The following C1QTNF3 variants were observed in gnomAD, a reference collection of about 807,000 sequenced individuals.
C1QTNF3 encodes the protein complement C1q tumor necrosis factor-related protein 3.
In C1QTNF3, 26 loss-of-function variants were observed where a neutral mutation model predicts 32.6. That is an observed-to-expected ratio of 0.80 (90% confidence interval 0.58 to 1.11). The LOEUF is 1.11. Ranked by LOEUF, C1QTNF3 falls within the 50% of genes least tolerant of loss-of-function variation. The pLI, the probability that C1QTNF3 is intolerant of heterozygous loss-of-function variation, is 0.00. For synonymous variants in C1QTNF3, 155 were observed against 146.0 expected (o/e 1.06, Z -0.44); for missense variants, 362 against 398.2 (o/e 0.91, Z 0.77).
chr5:34,145,294 C>A, the C1QTNF3 span, among the ~76,000 whole-genome samples: 1 of 151,686 alleles, frequency 6.6e-6, no homozygotes. Context: ...GAAGAAAATC[C>A]CATCAGAAAT....
intron 1 of C1QTNF3, among the ~76,000 whole-genome samples, chr5:34,039,803 T>C (rs1273287139): frequency 6.6e-6 from 1 of 152,178 alleles, no homozygotes; most frequent in African/African-American, 2.4e-5. Context: ...AAATAATAAT[T>C]TAGAAACATT....
At chr5:34,219,635 T>TAGA in the C1QTNF3 span, among the ~76,000 whole-genome samples, 1 of 152,112 alleles carries the variant, frequency 6.6e-6, no homozygotes, top group Non-Finnish European at 1.5e-5. Context: ...CAACTGTTTT[T>TAGA]TACATCCAAA....
chr5:34,046,086 T>C (rs1050856186), upstream of C1QTNF3, among the ~76,000 whole-genome samples: 1 of 152,212 alleles, frequency 6.6e-6, no homozygotes, highest in African/African-American at 2.4e-5. Flanking sequence ...TGTAAATGCC[T>C]ATATTAAAGA....
chr5:34,037,157 T>C (rs186068070), intron 1 of C1QTNF3, among the ~76,000 whole-genome samples: 2 of 152,314 alleles, frequency 1.3e-5, no homozygotes, highest in Admixed American at 6.5e-5. Context: ...GCTTATGAAA[T>C]TTGAACTCCC....
chr5:34,132,998 GA>G, the C1QTNF3 span, among the ~76,000 whole-genome samples: 2 of 151,790 alleles, frequency 1.3e-5, no homozygotes, highest in African/African-American at 2.4e-5. Context: ...ACTTTAAAAG[GA>G]AAAAAAATAC....
At chr5:34,058,924 C>T in the C1QTNF3 span, among the ~76,000 whole-genome samples, 1 of 152,104 alleles carries the variant, frequency 6.6e-6, no homozygotes, top group Non-Finnish European at 1.5e-5. Flanking sequence ...ACAGAGTCCC[C>T]CTACTCAAGG....
At chr5:34,207,160 G>T in the C1QTNF3 span, among the ~76,000 whole-genome samples, 1 of 151,926 alleles carries the variant, frequency 6.6e-6, no homozygotes, top group African/African-American at 2.4e-5. Context: ...AAAATTGATG[G>T]GTAGTCGGTG....
chr5:34,070,279 C>T, the C1QTNF3 span, among the ~76,000 whole-genome samples: 1 of 152,126 alleles, frequency 6.6e-6, no homozygotes, highest in African/African-American at 2.4e-5. Flanking sequence ...TGAATAACCA[C>T]GTGGAGAAGG....
the C1QTNF3 span, among the ~76,000 whole-genome samples, chr5:34,055,606 A>T: frequency 3.3e-5 from 5 of 152,208 alleles, no homozygotes; most frequent in Non-Finnish European, 5.9e-5. Flanking sequence ...TAAATTGTCA[A>T]CCTAATCAAA....
At chr5:34,139,223 TACAC>T in the C1QTNF3 span, among the ~76,000 whole-genome samples, 2 of 151,966 alleles carry the variant, frequency 1.3e-5, no homozygotes, top group Non-Finnish European at 2.9e-5. Flanking sequence ...TATATATACT[TACAC>T]ATACACACAC....
chr5:34,175,015 G>A, the C1QTNF3 span, among the ~76,000 whole-genome samples: 1 of 151,556 alleles, frequency 6.6e-6, no homozygotes, highest in African/African-American at 2.4e-5. Flanking sequence ...CCAAAGTGCT[G>A]GGATTACAGG....
the C1QTNF3 span, among the ~76,000 whole-genome samples, chr5:34,084,232 G>A: frequency 3.3e-5 from 5 of 151,756 alleles, 2 homozygotes; most frequent in African/African-American, 1.2e-4. Flanking sequence ...TATTTGTGAA[G>A]GTGGCTATTT....
At chr5:34,129,731 TATA>T in the C1QTNF3 span, among the ~76,000 whole-genome samples, 18 of 151,954 alleles carry the variant, frequency 1.2e-4, no homozygotes, top group African/African-American at 4.3e-4. Context: ...TATAAATATA[TATA>T]ATGATATATA....
chr5:34,179,985 G>A, the C1QTNF3 span, among the ~76,000 whole-genome samples: 297 of 150,088 alleles, frequency 2.0e-3, no homozygotes, highest in African/African-American at 7.4e-3. Context: ...CACTTTGGGA[G>A]GCTTACTTGA....
At chr5:34,085,592 T>A in the C1QTNF3 span, among the ~76,000 whole-genome samples, 1 of 151,516 alleles carries the variant, frequency 6.6e-6, no homozygotes, top group South Asian at 2.1e-4. Flanking sequence ...GGTAGCTTGA[T>A]GTCTCCAGTT....
the C1QTNF3 span, among the ~76,000 whole-genome samples, chr5:34,123,343 T>C: frequency 6.6e-6 from 1 of 152,194 alleles, no homozygotes; most frequent in Non-Finnish European, 1.5e-5. Flanking sequence ...TGAATGCACA[T>C]ACATACATGC....
the C1QTNF3 span, among the ~76,000 whole-genome samples, chr5:34,145,468 T>C: frequency 6.6e-6 from 1 of 151,592 alleles, no homozygotes; most frequent in Non-Finnish European, 1.5e-5. Flanking sequence ...TAGACCAATA[T>C]CAAGTTCTGA....
the C1QTNF3 span, among the ~76,000 whole-genome samples, chr5:34,091,029 T>A: frequency 6.6e-6 from 1 of 152,230 alleles, no homozygotes; most frequent in Non-Finnish European, 1.5e-5. Context: ...TTGGTATTTG[T>A]AGGGGAAGGG....
At chr5:34,120,413 G>T in the C1QTNF3 span, among the ~76,000 whole-genome samples, 4 of 151,522 alleles carry the variant, frequency 2.6e-5, no homozygotes, top group East Asian at 7.7e-4. Flanking sequence ...TTGAAAAGAG[G>T]ATTTGAAAAA....
Sources: allele counts gnomAD v4.1 joint callset (sites outside exome capture counted in the v4.1 genomes callset), GRCh38; gene constraint gnomAD v4.1.1; transcripts MANE v1.5; gene names NCBI Gene and HGNC (gene_info 2026-07-23, HGNC 2026-07-21).